Variants in HTT observed in about 807,000 individuals in gnomAD.
HTT encodes the protein huntington disease protein.
A neutral mutation model predicts 362.3 loss-of-function variants in HTT; 104 were observed. The observed-to-expected ratio is 0.29, with a 90% CI of 0.24 to 0.34. HTT has a LOEUF of 0.34. Ranked by LOEUF, HTT falls within the 10% of genes least tolerant of loss-of-function variation. The pLI is 1.00. For missense variants in HTT, 3,301 were observed against 3,928.6 expected (o/e 0.84, Z 4.27); for synonymous variants, 1,577 against 1,548.7 (o/e 1.02, Z -0.43).
chr4:3,221,494 CT>C (rs1720669234), intron 53 of HTT, among the ~76,000 whole-genome samples: 1 of 152,202 alleles, frequency 6.6e-6, no homozygotes, highest in African/African-American at 2.4e-5. Context: ...ATTTTTTTCC[CT>C]GTAACGTAAA....
At chr4:3,221,935 G>A (rs1237724656) in intron 53 of HTT, among the ~76,000 whole-genome samples, 2 of 152,232 alleles carry the variant, frequency 1.3e-5, no homozygotes, top group African/African-American at 4.8e-5. Context: ...CACTCTAAGC[G>A]GACAGCTTGG....
At chr4:3,207,237 G>A (rs1310333434) in intron 44 of HTT, 44 bp from the exon 45 acceptor site, 4 of 1,533,136 alleles carry the variant, frequency 2.6e-6, no homozygotes, top group East Asian at 4.5e-5. Flanking sequence ...GTTATTTTGG[G>A]TTGTTAGGTG....
At chr4:3,227,940 C>T (rs1299107750) in intron 57 of HTT, among the ~76,000 whole-genome samples, 4 of 152,190 alleles carry the variant, frequency 2.6e-5, no homozygotes, top group South Asian at 2.1e-4. Context: ...TGCAGGGGCT[C>T]CTCCTTGGCC....
At chr4:3,090,417 C>T (rs756812932) in intron 2 of HTT, among the ~76,000 whole-genome samples, 1 of 152,202 alleles carries the variant, frequency 6.6e-6, no homozygotes. Flanking sequence ...TCACAAGTAT[C>T]CTCTTGGGAA....
In HTT at chr4:3,125,505, T is replaced by G. The variant is rs756171513; in HGVS notation, c.1322-44T>G. 5 of 1,365,896 alleles carry G rather than the reference T, an allele frequency of 3.7e-6. No homozygotes were observed. In the Admixed American group the frequency reaches 8.5e-5, roughly 23 times the overall value. 84.6% of individuals were successfully genotyped at this position (1,365,896 alleles called of 1,614,324 possible). Reference sequence around the variant, plus strand: ...TGCATTTACTTAATTTTGAAGTCCTTATTTTTAGCAAACTAAAAGGAATGT... The same window carrying G: ...TGCATTTACTTAATTTTGAAGTCCTGATTTTTAGCAAACTAAAAGGAATGT... On this transcript the variant is annotated intron_variant, in intron 10 of 66. Transcript: ENST00000355072.
intron 34 of HTT, among the ~76,000 whole-genome samples, chr4:3,177,678 G>A (rs1194878925): frequency 6.6e-6 from 1 of 152,206 alleles, no homozygotes; most frequent in Non-Finnish European, 1.5e-5. Flanking sequence ...TTGTGGTGGA[G>A]CACTAGTTTT....
At position 3,220,375 on chromosome 4, in the gene HTT, C is replaced by G. The variant is rs1720617665; in HGVS notation, c.7369+67C>G. The G allele has an allele frequency of 2.0e-6, 3 of 1,502,828 alleles. No individual in the cohort carries two copies. The African/African-American group carries it at 4.1e-5, about 21-fold the overall frequency. 93.1% of individuals were successfully genotyped at this position (1,502,828 alleles called of 1,614,324 possible). ...TCTACCGGGAGGAAATCCAGAGCCCCCAGTACTGGGATCTTCTCATTTGAC... is the reference window on the plus strand; with the variant it reads ...TCTACCGGGAGGAAATCCAGAGCCCGCAGTACTGGGATCTTCTCATTTGAC... On this transcript the variant is annotated intron_variant, in intron 53 of 66. Transcript: ENST00000355072.
At chr4:3,100,803 T>C (rs528904016) in intron 3 of HTT, among the ~76,000 whole-genome samples, 1 of 152,324 alleles carries the variant, frequency 6.6e-6, no homozygotes, top group African/African-American at 2.4e-5. Context: ...TCACGGCTCA[T>C]TGCAGCCTTG....
chr4:3,213,963 G>A lies in HTT; in HGVS notation c.6780G>A (p.Leu2260=). Residue 2260 remains leucine (L), a synonymous_variant, in exon 50 of 67, where the codon CTG becomes CTA. Transcript: ENST00000355072. ...VKFVVATLEA[L]SWHLIHEQIP... is the part of the protein sequence containing the mutation. ...GACTCGGTACTTCCCTTTAGGCCCT[G>A]TCCTGGCATTTGATCCATGAGCAGA... 1 of 1,561,238 alleles carries A rather than the reference G, an allele frequency of 6.4e-7. No individual in the cohort carries two copies. Among genetic ancestry groups the A allele is most frequent in the Non-Finnish European group, 8.7e-7 (1 of 1,147,636 alleles).
chr4:3,193,896 A>G (rs1275940268), intron 40 of HTT, among the ~76,000 whole-genome samples: 1 of 152,058 alleles, frequency 6.6e-6, no homozygotes, highest in Admixed American at 6.6e-5. Flanking sequence ...GTATCTTTTG[A>G]CCTTATTTAA....
intron 57 of HTT, among the ~76,000 whole-genome samples, chr4:3,226,717 T>C (rs1050031059): frequency 9.2e-5 from 14 of 152,260 alleles, no homozygotes; most frequent in Admixed American, 3.3e-4. Flanking sequence ...GAAACACTTA[T>C]GAGCTCTGAG....
At chr4:3,168,226 A>G (rs1479479317) in intron 29 of HTT, among the ~76,000 whole-genome samples, 1 of 152,212 alleles carries the variant, frequency 6.6e-6, no homozygotes, top group African/African-American at 2.4e-5. Flanking sequence ...TGAGATATAC[A>G]AACTATTGAG....
At chr4:3,128,594 T>C (rs1019169705) in intron 12 of HTT, 1 of 152,202 alleles carries the variant, frequency 6.6e-6, no homozygotes, top group African/African-American at 2.4e-5. Flanking sequence ...TTAAGAACTT[T>C]TGACTTTTCA....
At chr4:3,160,506 C>T (rs995682342) in intron 29 of HTT, 114 bp downstream of exon 29, 1 of 725,636 alleles carries the variant, frequency 1.4e-6, no homozygotes, top group Non-Finnish European at 2.5e-6. Context: ...CGGGAGACTC[C>T]TCCCTGCCCC....
Position 3,099,260 on chromosome 4 carries a change from C to CT in HTT, c.348-7dup, listed in dbSNP as rs780349373. 5 of 1,602,916 alleles carry CT rather than the reference C, an allele frequency of 3.1e-6. No individual in the cohort carries two copies. The highest frequency in any genetic ancestry group is 1.7e-5 in the Admixed American group (1 of 59,866). On this transcript the variant is annotated splice_polypyrimidine_tract_variant and intron_variant, in intron 2 of 66. Coordinates refer to ENST00000355072, the MANE Select transcript of HTT (RefSeq NM_001388492.1). ...TAGGCTCCTCTTGACAGTTTCTCTT[C>CT]TTTTTTTGCTTAGAAATTCTCCAGA...
At chr4:3,084,869 C>G (rs1022984943) in intron 1 of HTT, among the ~76,000 whole-genome samples, 1 of 151,652 alleles carries the variant, frequency 6.6e-6, no homozygotes, top group Admixed American at 6.6e-5. Context: ...AAAAAATTAG[C>G]CGGGTATAGT....
At chr4:3,101,633 A>T (rs1714162394) in intron 3 of HTT, among the ~76,000 whole-genome samples, 1 of 152,174 alleles carries the variant, frequency 6.6e-6, no homozygotes, top group Non-Finnish European at 1.5e-5. Flanking sequence ...ACTAGGTTCT[A>T]CTTAGCCCAA....
At chr4:3,076,604 G>A (rs924931990) in intron 1 of HTT, among the ~76,000 whole-genome samples, 1 of 152,136 alleles carries the variant, frequency 6.6e-6, no homozygotes, top group Non-Finnish European at 1.5e-5. Flanking sequence ...ATTTACTGTA[G>A]TGCTTTTCTA....
chr4:3,169,185 A>G (rs956885878), intron 29 of HTT, among the ~76,000 whole-genome samples: 5 of 151,474 alleles, frequency 3.3e-5, no homozygotes, highest in African/African-American at 1.2e-4. Flanking sequence ...CGCCTGGCTA[A>G]TTTTTTGTAT....
Sources: allele counts gnomAD v4.1 joint callset (sites outside exome capture counted in the v4.1 genomes callset), GRCh38; gene constraint gnomAD v4.1.1; transcripts MANE v1.5; gene names NCBI Gene and HGNC (gene_info 2026-07-23, HGNC 2026-07-21).